QTMAN: variants seen among roughly 807,000 people sequenced by gnomAD.
QTMAN encodes the protein queuosine-tRNA mannosyltransferase.
chr2:144,248,789 G>A, the QTMAN span, among the ~76,000 whole-genome samples: 1 of 151,662 alleles, frequency 6.6e-6, no homozygotes, highest in South Asian at 2.1e-4. Flanking sequence ...GTTTTGAGAG[G>A]GATAATAGTC....
chr2:144,139,807 T>C, the QTMAN span, among the ~76,000 whole-genome samples: 2 of 152,184 alleles, frequency 1.3e-5, no homozygotes, highest in East Asian at 3.9e-4. Context: ...GTTGGAAATA[T>C]GGCTTTTCTC....
At chr2:144,237,764 G>C in the QTMAN span, among the ~76,000 whole-genome samples, 7 of 152,222 alleles carry the variant, frequency 4.6e-5, no homozygotes, top group Middle Eastern at 3.4e-3. Context: ...TCATACCAGG[G>C]TTGGTCTGAG....
the QTMAN span, chr2:143,939,539 T>C: frequency 6.6e-6 from 1 of 152,228 alleles, no homozygotes; most frequent in African/African-American, 2.4e-5. Flanking sequence ...AATGCTTTTT[T>C]TGACTATCTT....
chr2:144,328,412 C>T, the QTMAN span, among the ~76,000 whole-genome samples: 2 of 152,200 alleles, frequency 1.3e-5, no homozygotes, highest in Admixed American at 1.3e-4. Context: ...ATGCCTCACA[C>T]ACACTTAGTT....
At chr2:143,982,107 T>C in the QTMAN span, among the ~76,000 whole-genome samples, 1 of 152,204 alleles carries the variant, frequency 6.6e-6, no homozygotes, top group Non-Finnish European at 1.5e-5. Context: ...TCACGTGCTA[T>C]AAATTAACTA....
the QTMAN span, among the ~76,000 whole-genome samples, chr2:144,042,477 C>A: frequency 3.9e-5 from 6 of 152,104 alleles, no homozygotes; most frequent in African/African-American, 1.4e-4. Flanking sequence ...CAATGAAGGC[C>A]GGGCGTGGTG....
the QTMAN span, among the ~76,000 whole-genome samples, chr2:144,122,640 C>A: frequency 6.6e-6 from 1 of 152,122 alleles, no homozygotes; most frequent in African/African-American, 2.4e-5. Context: ...CCAAAAAACT[C>A]TCCTCTGTAT....
chr2:144,061,721 G>T, the QTMAN span, among the ~76,000 whole-genome samples: 1 of 152,148 alleles, frequency 6.6e-6, no homozygotes, highest in Admixed American at 6.5e-5. Context: ...ATGAGAACAG[G>T]CATTCCTGTT....
the QTMAN span, among the ~76,000 whole-genome samples, chr2:144,104,490 T>A: frequency 6.6e-6 from 1 of 151,984 alleles, no homozygotes; most frequent in Admixed American, 6.6e-5. Context: ...GGTCCCACGC[T>A]CACGGAGCCT....
chr2:144,113,032 T>C, the QTMAN span, among the ~76,000 whole-genome samples: 1 of 151,852 alleles, frequency 6.6e-6, no homozygotes, highest in Admixed American at 6.6e-5. Context: ...CAGAGTCTCA[T>C]AACATAAGAT....
At chr2:144,200,737 G>A in the QTMAN span, among the ~76,000 whole-genome samples, 1 of 152,180 alleles carries the variant, frequency 6.6e-6, no homozygotes, top group East Asian at 1.9e-4. Context: ...ACAGAAAATG[G>A]CAGCTTTCAT....
At chr2:144,244,118 C>A in the QTMAN span, among the ~76,000 whole-genome samples, 2 of 152,180 alleles carry the variant, frequency 1.3e-5, no homozygotes, top group African/African-American at 4.8e-5. Context: ...CAAATCATCA[C>A]AAGTTTGATC....
chr2:143,970,860 A>G, the QTMAN span: 1 of 697,728 alleles, frequency 1.4e-6, no homozygotes, highest in South Asian at 1.7e-5. Context: ...TTCATGGTCT[A>G]CTGCTGGTTG....
chr2:144,212,742 A>C, the QTMAN span, among the ~76,000 whole-genome samples: 1 of 152,202 alleles, frequency 6.6e-6, no homozygotes, highest in African/African-American at 2.4e-5. Context: ...TCAGTTAAAG[A>C]AAAACTCACT....
At chr2:144,002,347 G>A in the QTMAN span, among the ~76,000 whole-genome samples, 1 of 151,862 alleles carries the variant, frequency 6.6e-6, no homozygotes, top group Admixed American at 6.6e-5. Flanking sequence ...TCATGAAACA[G>A]TGAGTTTATT....
the QTMAN span, among the ~76,000 whole-genome samples, chr2:144,054,153 A>G: frequency 1.3e-5 from 2 of 152,116 alleles, no homozygotes; most frequent in African/African-American, 4.8e-5. Context: ...GAGCCACTGC[A>G]CTCTAGCCTG....
At chr2:144,165,598 A>G in the QTMAN span, among the ~76,000 whole-genome samples, 1 of 152,070 alleles carries the variant, frequency 6.6e-6, no homozygotes, top group East Asian at 1.9e-4. Context: ...TAGACTTCTC[A>G]CCCAACCTTC....
the QTMAN span, among the ~76,000 whole-genome samples, chr2:144,071,815 G>A: frequency 6.6e-6 from 1 of 152,056 alleles, no homozygotes; most frequent in Non-Finnish European, 1.5e-5. Context: ...AATATTCTCT[G>A]GGCATACTTT....
the QTMAN span, among the ~76,000 whole-genome samples, chr2:144,221,475 G>T: frequency 6.6e-6 from 1 of 152,112 alleles, no homozygotes; most frequent in Admixed American, 6.5e-5. Flanking sequence ...ATTATGAAAT[G>T]AATATATCAT....
Sources: gnomAD v4.1 joint callset for allele counts (sites outside exome capture counted in the v4.1 genomes callset) on GRCh38, gnomAD v4.1.1 for gene constraint, MANE v1.5 for transcripts, NCBI Gene and HGNC (gene_info 2026-07-23, HGNC 2026-07-21) for gene names.